Variants in PDE4D observed in about 807,000 individuals in gnomAD.
PDE4D encodes phosphodiesterase 4D.
PDE4D carries 24 observed loss-of-function variants against 87.4 expected under a neutral mutation model. The observed-to-expected ratio is 0.27, with a 90% CI of 0.20 to 0.39. The LOEUF is 0.39. PDE4D is among the 10% of genes least tolerant of loss of function. PDE4D has a pLI of 1.00. For missense variants in PDE4D, 714 were observed against 1,041.0 expected (o/e 0.69, Z 4.32); for synonymous variants, 384 against 383.2 (o/e 1.00, Z -0.02).
intron 1 of PDE4D, among the ~76,000 whole-genome samples, chr5:60,501,365 G>A (rs1750068646): frequency 6.6e-6 from 1 of 151,776 alleles, no homozygotes; most frequent in South Asian, 2.1e-4. Context: ...ATTCCATGGT[G>A]TATATGTGCC....
intron 5 of PDE4D, among the ~76,000 whole-genome samples, chr5:59,062,263 T>C (rs925941266): frequency 3.3e-5 from 5 of 152,134 alleles, no homozygotes; most frequent in African/African-American, 1.2e-4. Context: ...TCTATTTGTA[T>C]TAACTCATCT....
chr5:60,123,133 T>G lies in PDE4D; in HGVS notation c.42+62424A>C, dbSNP rs573926128. 5.2e-4 allele frequency among the ~76,000 whole-genome samples: 79 copies of G among 152,312 alleles called. 1 individual carries two copies. The highest frequency in any genetic ancestry group is 2.3e-3 in the East Asian group (12 of 5,176). ...TAGCAGGCTTTGGGTCAAAGCCATT[T>G]AACAAGTCTCTAGGAAGCTCCATAC... On this transcript the variant is annotated intron_variant, in intron 2 of 16. Transcript: ENST00000502484.
intron 1 of PDE4D, among the ~76,000 whole-genome samples, chr5:59,640,287 A>T (rs1358160172): frequency 6.6e-6 from 1 of 152,216 alleles, no homozygotes; most frequent in Non-Finnish European, 1.5e-5. Context: ...AAGCTGGGAA[A>T]TGCCCAAATT....
At chr5:59,097,574 T>G (rs950983691) in intron 5 of PDE4D, among the ~76,000 whole-genome samples, 1 of 152,122 alleles carries the variant, frequency 6.6e-6, no homozygotes, top group Non-Finnish European at 1.5e-5. Flanking sequence ...GAAGCAAAAC[T>G]GAAAAAAGAA....
intron 5 of PDE4D, among the ~76,000 whole-genome samples, chr5:59,172,340 T>G: frequency 7.5e-6 from 1 of 133,172 alleles, no homozygotes; most frequent in East Asian, 2.1e-4. Flanking sequence ...TATAATATAT[T>G]ATATATTATA....
intron 1 of PDE4D, among the ~76,000 whole-genome samples, chr5:59,857,197 T>C (rs952790658): frequency 3.3e-5 from 5 of 152,224 alleles, no homozygotes; most frequent in Admixed American, 1.3e-4. Flanking sequence ...ATCTCCCTTA[T>C]GCCCTTGGTC....
Position 59,848,812 on chromosome 5 carries a change from G to T in PDE4D, c.455+44356C>A, listed in dbSNP as rs531241582. ...GGTTTTAAAAATAAAATCCGTAACC[G>T]GGGTAAGGGCTGCAAGTTTTCAACC... is the stretch of plus-strand genomic sequence containing the variant. On this transcript the variant is annotated intron_variant, in intron 1 of 14. Coordinates refer to ENST00000340635, the MANE Select transcript of PDE4D (RefSeq NM_001104631.2). Among the ~76,000 whole-genome samples, 91 of 152,104 alleles carry T rather than the reference G, an allele frequency of 6.0e-4. No homozygotes were observed. The South Asian group carries it at 0.018, about 30-fold the overall frequency.
At chr5:58,986,781 A>T (rs1458474631) in intron 11 of PDE4D, among the ~76,000 whole-genome samples, 6 of 152,168 alleles carry the variant, frequency 3.9e-5, no homozygotes, top group Non-Finnish European at 8.8e-5. Context: ...AAGAATGAAG[A>T]ATAGAGCAGG....
At chr5:59,052,746 T>C (rs1761731421) in intron 5 of PDE4D, among the ~76,000 whole-genome samples, 1 of 152,166 alleles carries the variant, frequency 6.6e-6, no homozygotes, top group African/African-American at 2.4e-5. Flanking sequence ...TAAAAATACA[T>C]TCCCTAGAAG....
chr5:59,021,147 C>G (rs1039304622), intron 6 of PDE4D, among the ~76,000 whole-genome samples: 1 of 152,080 alleles, frequency 6.6e-6, no homozygotes, highest in Non-Finnish European at 1.5e-5. Context: ...AGCAACAGAC[C>G]AATGTTTAGA....
At chr5:60,234,822 G>T (rs879407985) in intron 1 of PDE4D, among the ~76,000 whole-genome samples, 3 of 151,832 alleles carry the variant, frequency 2.0e-5, no homozygotes, top group Admixed American at 6.6e-5. Context: ...TATCAAATTT[G>T]TTGGCATATG....
intron 5 of PDE4D, among the ~76,000 whole-genome samples, chr5:59,170,307 G>A (rs923628079): frequency 2.6e-5 from 4 of 152,088 alleles, no homozygotes; most frequent in Admixed American, 2.0e-4. Flanking sequence ...GTGAGCCACT[G>A]CACCCAGCCC....
chr5:59,636,379 T>C (rs1324498026), intron 1 of PDE4D, among the ~76,000 whole-genome samples: 1 of 152,142 alleles, frequency 6.6e-6, no homozygotes, highest in African/African-American at 2.4e-5. Context: ...TAGAAAAAAC[T>C]ACTTTAAATT....
chr5:60,236,655 TA>T (rs1002042853), intron 1 of PDE4D, among the ~76,000 whole-genome samples: 5 of 151,830 alleles, frequency 3.3e-5, no homozygotes, highest in Non-Finnish European at 5.9e-5. Context: ...TATTTCAGAT[TA>T]TTTGGTTGGG....
At chr5:59,417,042 A>T (rs1793731266) in intron 1 of PDE4D, among the ~76,000 whole-genome samples, 1 of 152,178 alleles carries the variant, frequency 6.6e-6, no homozygotes, top group Non-Finnish European at 1.5e-5. Context: ...TTGTGTATGA[A>T]GTCTTAGTAC....
intron 2 of PDE4D, among the ~76,000 whole-genome samples, chr5:60,035,262 A>G (rs866531594): frequency 2.7e-4 from 41 of 152,158 alleles, no homozygotes; most frequent in Admixed American, 7.9e-4. Context: ...TCTCAAAAAA[A>G]AAAAAAAAGG....
chr5:58,976,660 T>A (rs936203804), intron 12 of PDE4D, among the ~76,000 whole-genome samples, 188 bp from the exon 13 acceptor site: 2 of 152,154 alleles, frequency 1.3e-5, no homozygotes, highest in African/African-American at 4.8e-5. Context: ...AAAGCCCAGA[T>A]AAATGTGTGT....
chr5:60,294,918 T>C (rs1753233793), intron 1 of PDE4D, among the ~76,000 whole-genome samples: 1 of 152,114 alleles, frequency 6.6e-6, no homozygotes, highest in African/African-American at 2.4e-5. Flanking sequence ...TGATGAAGAT[T>C]AAGATAAATT....
chr5:59,781,039 G>A (rs973903778), intron 1 of PDE4D, among the ~76,000 whole-genome samples: 2 of 151,874 alleles, frequency 1.3e-5, no homozygotes, highest in Non-Finnish European at 2.9e-5. Context: ...GCTGGCAGGT[G>A]CCTGTAATCC....
Sources: gnomAD v4.1 joint callset for allele counts (sites outside exome capture counted in the v4.1 genomes callset) on GRCh38, gnomAD v4.1.1 for gene constraint, MANE v1.5 for transcripts, NCBI Gene and HGNC (gene_info 2026-07-23, HGNC 2026-07-21) for gene names.